The following PLEKHA7 variants were observed in gnomAD, a reference collection of about 807,000 sequenced individuals.
The protein encoded by PLEKHA7 is pleckstrin homology domain-containing family A member 7.
In PLEKHA7, 104 loss-of-function variants were observed where a neutral mutation model predicts 170.0. That is an observed-to-expected ratio of 0.61 (90% CI 0.52 to 0.72). The LOEUF is 0.72. PLEKHA7 is among the 30% of genes least tolerant of loss of function. The pLI is 0.00. For missense variants in PLEKHA7, 1,615 were observed against 1,671.7 expected, an observed-to-expected ratio of 0.97 and a Z score of 0.59; for synonymous variants, 648 against 660.8, an observed-to-expected ratio of 0.98 and a Z score of 0.30.
At chr11:16,872,328 A>T (rs1312411782) in intron 3 of PLEKHA7, among the ~76,000 whole-genome samples, 1 of 152,068 alleles carries the variant, frequency 6.6e-6, no homozygotes, top group African/African-American at 2.4e-5. Context: ...ATGTGGAGAT[A>T]TACCCGGGTA....
intron 3 of PLEKHA7, among the ~76,000 whole-genome samples, chr11:16,948,943 G>A (rs926309137): frequency 6.6e-6 from 1 of 152,144 alleles, no homozygotes; most frequent in Non-Finnish European, 1.5e-5. Context: ...GGAGCAGGAC[G>A]TCATTGCTTC....
In PLEKHA7 at chr11:16,826,420, T is replaced by C. The variant is rs140009157; in HGVS notation, c.1043A>G (p.Gln348Arg). The C allele has an allele frequency of 1.5e-5, 25 of 1,614,116 alleles. No homozygotes were observed. The highest frequency in any genetic ancestry group is 2.0e-5 in the Non-Finnish European group (24 of 1,180,056). ...CCGCTTGCCCTCCAGTGGGTCCCTC[T>C]GGGAACGGTACTGCTCTCCCTCCTG... is the stretch of plus-strand genomic sequence containing the variant. ...QEQEGEQYRS[Q>R]RDPLEGKRDR... Residue 348 changes from glutamine to arginine, a missense_variant, in exon 10 of 27, where the codon CAG (glutamine) becomes CGG (arginine). Coordinates refer to ENST00000531066, the MANE Select transcript of PLEKHA7 (RefSeq NM_001329630.2).
chr11:16,935,783 A>G (rs1362637146), intron 3 of PLEKHA7, among the ~76,000 whole-genome samples: 2 of 152,214 alleles, frequency 1.3e-5, no homozygotes, highest in African/African-American at 4.8e-5. Flanking sequence ...CTCATTCTCA[A>G]GGGACCAAAG....
At chr11:16,810,652 T>G (rs1037804692) in intron 13 of PLEKHA7, among the ~76,000 whole-genome samples, 1 of 152,244 alleles carries the variant, frequency 6.6e-6, no homozygotes, top group Admixed American at 6.5e-5. Context: ...GATAACGTTC[T>G]AATCATGTGC....
intron 4 of PLEKHA7, among the ~76,000 whole-genome samples, chr11:16,856,634 C>G (rs1411333235): frequency 6.6e-6 from 1 of 152,196 alleles, no homozygotes; most frequent in South Asian, 2.1e-4. Flanking sequence ...CCTGGGAGGG[C>G]CAACTCTCTG....
chr11:16,879,096 A>T (rs1310013568), intron 3 of PLEKHA7, among the ~76,000 whole-genome samples: 1 of 152,136 alleles, frequency 6.6e-6, no homozygotes, highest in African/African-American at 2.4e-5. Context: ...GATAATATAA[A>T]CATCACCTGT....
At chr11:16,855,574 G>C (rs1853369504) in intron 5 of PLEKHA7, 2 of 510,234 alleles carry the variant, frequency 3.9e-6, no homozygotes, top group Non-Finnish European at 6.9e-6. Flanking sequence ...TGAAGAACAT[G>C]CTCAAGGACC....
In PLEKHA7 at chr11:16,817,560, T is replaced by C. The variant is rs1186568779; in HGVS notation, c.1344-238A>G. 1 of 463,666 alleles carries C rather than the reference T, an allele frequency of 2.2e-6. No homozygotes were observed. Among genetic ancestry groups the C allele is most frequent in the Non-Finnish European group, 3.8e-6 (1 of 262,698 alleles). 28.7% of individuals were successfully genotyped at this position (463,666 alleles called of 1,614,324 possible). On this transcript the variant is annotated intron_variant, in intron 10 of 26. Transcript: ENST00000531066. This position sits in a 1 kb window ranked among gnomAD's most constrained non-coding sequence, Gnocchi z 4.4. Reference sequence around the variant, plus strand: ...GGACAACTTGGCTACCCCATGCCCATCACTTGGAGTGCAATGTGATTAAAC... The same window carrying C: ...GGACAACTTGGCTACCCCATGCCCACCACTTGGAGTGCAATGTGATTAAAC...
At chr11:17,001,971 C>G (rs1024492483) in intron 3 of PLEKHA7, among the ~76,000 whole-genome samples, 2 of 152,228 alleles carry the variant, frequency 1.3e-5, no homozygotes, top group African/African-American at 4.8e-5. Flanking sequence ...AAAGAGACAG[C>G]CTGGCTCTAA....
chr11:17,007,329 A>AT (rs58115450), intron 3 of PLEKHA7, among the ~76,000 whole-genome samples: 5 of 150,776 alleles, frequency 3.3e-5, no homozygotes, highest in South Asian at 2.1e-4. Flanking sequence ...AGAAAAAAAA[A>AT]TTTTTTTTTT....
chr11:16,937,096 A>C (rs559545023), intron 3 of PLEKHA7, among the ~76,000 whole-genome samples: 2 of 152,224 alleles, frequency 1.3e-5, no homozygotes, highest in African/African-American at 4.8e-5. Flanking sequence ...GTTATTAACA[A>C]TCTCCAAATT....
chr11:16,873,831 T>G (rs1242378736), intron 3 of PLEKHA7, among the ~76,000 whole-genome samples: 1 of 152,126 alleles, frequency 6.6e-6, no homozygotes, highest in East Asian at 1.9e-4. Context: ...CACATTTGAC[T>G]AACTTTTGTA....
intron 3 of PLEKHA7, among the ~76,000 whole-genome samples, chr11:16,915,473 T>C (rs1161031925): frequency 1.3e-5 from 2 of 151,612 alleles, no homozygotes; most frequent in African/African-American, 4.8e-5. Flanking sequence ...TAACTCGTCA[T>C]CTAGCATTAG....
chr11:16,829,911 T>C (rs533906556), intron 9 of PLEKHA7, among the ~76,000 whole-genome samples: 1 of 152,178 alleles, frequency 6.6e-6, no homozygotes, highest in African/African-American at 2.4e-5. Context: ...TTTCTCCCTT[T>C]AAGCCTCCAT....
intron 4 of PLEKHA7, among the ~76,000 whole-genome samples, chr11:16,857,724 G>A (rs1040819871): frequency 1.3e-5 from 2 of 152,216 alleles, no homozygotes; most frequent in Non-Finnish European, 1.5e-5. Flanking sequence ...TTGTTTGTTT[G>A]TTTGTTTGTT....
At chr11:17,009,624 G>A (rs998302728) in intron 3 of PLEKHA7, among the ~76,000 whole-genome samples, 1 of 105,654 alleles carries the variant, frequency 9.5e-6, no homozygotes, top group African/African-American at 3.4e-5. Context: ...AAAAGTCTTC[G>A]TTTTATTTAT....
rs111930042 is a variant in PLEKHA7 at position 16,959,228 on chromosome 11, T to TCCCCACGCC, written c.221+54760_221+54761insGGCGTGGGG. ...CAACAGTTATCTTTCTGCTCCCCTC[T>TCCCCACGCC]CTCCCCCTCAGGTAGACCCCAGTGT... On this transcript the variant is annotated intron_variant, in intron 3 of 26. Transcript: ENST00000531066. Among the ~76,000 whole-genome samples, 29 of 151,922 alleles carry TCCCCACGCC rather than the reference T, an allele frequency of 1.9e-4. 1 individual carries two copies. In the South Asian group the frequency reaches 5.8e-3, roughly 30 times the overall value.
chr11:16,986,893 C>T (rs1203129321), intron 3 of PLEKHA7, among the ~76,000 whole-genome samples: 1 of 152,218 alleles, frequency 6.6e-6, no homozygotes, highest in Non-Finnish European at 1.5e-5. Flanking sequence ...GCAGGCCGAG[C>T]CCCTGCCCAG....
chr11:16,906,352 G>C, intron 3 of PLEKHA7, among the ~76,000 whole-genome samples: 1 of 93,208 alleles, frequency 1.1e-5, no homozygotes, highest in Admixed American at 1.1e-4. Flanking sequence ...CTCTTTCCAC[G>C]GTCTCCCCCT....
Sources: gnomAD v4.1 joint callset for allele counts (sites outside exome capture counted in the v4.1 genomes callset) on GRCh38, gnomAD v4.1.1 for gene constraint, Gnocchi (gnomAD v3.1) non-coding constraint, MANE v1.5 for transcripts, NCBI Gene and HGNC (gene_info 2026-07-23, HGNC 2026-07-21) for gene names.